PPEF1: variants seen among roughly 807,000 people sequenced by gnomAD.
PPEF1 encodes the protein serine/threonine-protein phosphatase with EF-hands 1.
Under a neutral mutation model 53.3 loss-of-function variants are expected in PPEF1, and 12 were observed. The observed-to-expected ratio is 0.23, with a 90% CI of 0.14 to 0.36. The LOEUF (loss-of-function observed/expected upper bound fraction) is 0.36. PPEF1 is among the 10% of genes least tolerant of loss of function. The probability of loss-of-function intolerance (pLI) is 1.00; values close to 1 mark genes in which losing one functional copy is unlikely to be tolerated. For missense variants in PPEF1, 334 were observed against 490.4 expected, an observed-to-expected ratio of 0.68 and a Z score of 3.01; for synonymous variants, 165 against 176.7, an observed-to-expected ratio of 0.93 and a Z score of 0.52.
intron 1 of PPEF1, among the ~76,000 whole-genome samples, chrX:18,717,791 C>T (rs2044490042): frequency 9.0e-6 from 1 of 111,460 alleles, no homozygotes; most frequent in African/African-American, 3.3e-5. Context: ...CTCTGGGTTC[C>T]CCCTTGGCTC....
Position 18,677,035 on chromosome X carries a change from C to CTT in PPEF1, c.-587+925_-587+926dup, listed in dbSNP as rs763530257. Among the ~76,000 whole-genome samples the CTT allele has an allele frequency of 9.7e-3, 875 of 90,006 alleles. 14 individuals carry two copies. The highest frequency in any genetic ancestry group is 0.033 in the African/African-American group (774 of 23,703). 78.2% of individuals were successfully genotyped at this position (90,006 alleles called of 115,157 possible). ...GCCCCTCGCAAGGTGTCATCACAAT[C>CTT]TTTTTTTTTTTTTTTTTTTTTAAGA... On this transcript the variant is annotated intron_variant, in intron 1 of 20. Transcript: ENST00000689646.
At chrX:18,690,497 C>T (rs1470415308) in intron 3 of PPEF1, among the ~76,000 whole-genome samples, 3 of 109,859 alleles carry the variant, frequency 2.7e-5, no homozygotes, top group Non-Finnish European at 5.7e-5. Flanking sequence ...CTGCCTCAGC[C>T]TCCTGAGTAG....
intron 1 of PPEF1, among the ~76,000 whole-genome samples, chrX:18,721,733 C>G (rs1215231947): frequency 9.0e-6 from 1 of 111,496 alleles, no homozygotes; most frequent in Non-Finnish European, 1.9e-5. Context: ...TTGGTGGGTA[C>G]GAGAGTAAGT....
intron 6 of PPEF1, among the ~76,000 whole-genome samples, chrX:18,774,517 C>A (rs2045928252): frequency 8.9e-6 from 1 of 112,344 alleles, no homozygotes; most frequent in African/African-American, 3.2e-5. Flanking sequence ...GTATTGTTTA[C>A]TTCTGTGTTC....
At chrX:18,742,812 G>GCC (rs1250480740) in intron 3 of PPEF1, among the ~76,000 whole-genome samples, 1 of 108,493 alleles carries the variant, frequency 9.2e-6, no homozygotes, top group Non-Finnish European at 1.9e-5. Flanking sequence ...TCGTGCTACT[G>GCC]CACTCCAGCC....
chrX:18,764,404 G>A (rs1264389177), intron 6 of PPEF1, among the ~76,000 whole-genome samples: 1 of 111,392 alleles, frequency 9.0e-6, no homozygotes, highest in African/African-American at 3.3e-5. Context: ...GGCCTGAGGT[G>A]GGTGTCCTGG....
intron 2 of PPEF1, among the ~76,000 whole-genome samples, chrX:18,733,141 G>A (rs1222638582): frequency 9.0e-6 from 1 of 111,632 alleles, no homozygotes; most frequent in Non-Finnish European, 1.9e-5. Flanking sequence ...GGGAGGCGGA[G>A]GTTACAGTGA....
intron 1 of PPEF1, among the ~76,000 whole-genome samples, chrX:18,716,101 G>A (rs2044446231): frequency 8.9e-6 from 1 of 112,019 alleles, no homozygotes; most frequent in South Asian, 3.7e-4. Flanking sequence ...GTGACAAATA[G>A]AAGTTTCTCT....
At chrX:18,690,987 G>A (rs914415734) in exon 4 of PPEF1, 1 of 111,766 alleles carries the variant, frequency 8.9e-6, no homozygotes. Flanking sequence ...GATAGATTGT[G>A]TCCTGAGCCC....
chrX:18,737,404 G>A (rs1414407664), intron 3 of PPEF1, among the ~76,000 whole-genome samples: 13 of 111,960 alleles, frequency 1.2e-4, no homozygotes, highest in Non-Finnish European at 2.1e-4. Context: ...TCAGGAGCAG[G>A]TTGTTCAGTT....
chrX:18,788,804 C>A (rs2046270558), intron 9 of PPEF1, among the ~76,000 whole-genome samples: 2 of 112,391 alleles, frequency 1.8e-5, no homozygotes, highest in African/African-American at 3.2e-5. Flanking sequence ...GTTGCCCCTA[C>A]CTTGGTATCT....
chrX:18,757,150 G>A (rs1158819872), intron 4 of PPEF1, among the ~76,000 whole-genome samples: 1 of 111,718 alleles, frequency 9.0e-6, no homozygotes, highest in African/African-American at 3.3e-5. Context: ...GTAGCTCCAT[G>A]TGGCTAGTGG....
intron 13 of PPEF1, among the ~76,000 whole-genome samples, chrX:18,820,467 C>T (rs1294274232): frequency 9.2e-6 from 1 of 108,679 alleles, no homozygotes; most frequent in South Asian, 4.1e-4. Context: ...CTCACTGCAA[C>T]CTCCGCCTCC....
At chrX:18,680,089 CAAAA>C (rs756924550), upstream of PPEF1, among the ~76,000 whole-genome samples, 4 of 52,962 alleles carry the variant, frequency 7.6e-5, no homozygotes, top group East Asian at 6.3e-4. Flanking sequence ...ACCCTGTCCT[CAAAA>C]AAAAAAAAAA....
chrX:18,732,955 G>A (rs925665778), intron 2 of PPEF1, among the ~76,000 whole-genome samples: 10 of 112,008 alleles, frequency 8.9e-5, no homozygotes, highest in African/African-American at 3.2e-4. Context: ...TGTAATCCTA[G>A]CACTTTGGGA....
chrX:18,711,973 T>TC (rs2044340763), intron 1 of PPEF1, among the ~76,000 whole-genome samples: 1 of 111,389 alleles, frequency 9.0e-6, no homozygotes, highest in South Asian at 3.7e-4. Context: ...CAGGCTGGTC[T>TC]GAACTCCTGA....
At chrX:18,754,046 G>A (rs1487618833) in intron 4 of PPEF1, among the ~76,000 whole-genome samples, 1 of 81,019 alleles carries the variant, frequency 1.2e-5, no homozygotes, top group African/African-American at 4.1e-5. Context: ...AACACCAGGA[G>A]CGATTTAAAA....
intron 3 of PPEF1, among the ~76,000 whole-genome samples, chrX:18,737,782 A>T (rs1375068964): frequency 9.0e-6 from 1 of 110,627 alleles, no homozygotes; most frequent in African/African-American, 3.3e-5. Flanking sequence ...GTCACTCAGG[A>T]CTTGCTTTAT....
At chrX:18,782,086 C>G (rs1330360168) in intron 7 of PPEF1, among the ~76,000 whole-genome samples, 2 of 112,242 alleles carry the variant, frequency 1.8e-5, no homozygotes, top group East Asian at 5.6e-4. Context: ...CCTGTGCCTA[C>G]CACATATTTC....
Sources: allele counts gnomAD v4.1 joint callset (sites outside exome capture counted in the v4.1 genomes callset), GRCh38; gene constraint gnomAD v4.1.1; transcripts MANE v1.5; gene names NCBI Gene and HGNC (gene_info 2026-07-23, HGNC 2026-07-21).